FHIT: variants seen among roughly 807,000 people sequenced by gnomAD.
FHIT encodes the protein bis(5'-adenosyl)-triphosphatase.
In FHIT, 19 loss-of-function variants were observed where a neutral mutation model predicts 17.9. That is an observed-to-expected ratio of 1.06 (90% CI 0.74 to 1.56). FHIT has a LOEUF of 1.56. Among genes scored for constraint, FHIT ranks in the 40% most tolerant of loss-of-function variants. FHIT has a pLI of 0.00. For synonymous variants in FHIT, 81 were observed against 69.7 expected (o/e 1.16, Z -0.81); for missense variants, 248 against 189.2 (o/e 1.31, Z -1.82).
intron 3 of FHIT, among the ~76,000 whole-genome samples, chr3:60,959,769 G>A (rs1433722438): frequency 5.4e-5 from 8 of 148,698 alleles, no homozygotes; most frequent in African/African-American, 2.0e-4. Flanking sequence ...AAAACCAGGT[G>A]AGCAAGATGG....
chr3:61,094,021 T>C (rs1420222943), intron 2 of FHIT, among the ~76,000 whole-genome samples: 1 of 152,220 alleles, frequency 6.6e-6, no homozygotes, highest in Non-Finnish European at 1.5e-5. Context: ...AAATGAGTTT[T>C]CCCTGTAGGT....
chr3:61,058,579 C>T (rs951952828), intron 2 of FHIT, among the ~76,000 whole-genome samples: 1 of 152,130 alleles, frequency 6.6e-6, no homozygotes, highest in East Asian at 1.9e-4. Flanking sequence ...GTGTGCAGCA[C>T]TTCCCCCTTT....
At chr3:60,450,953 T>C (rs2031699009) in intron 5 of FHIT, among the ~76,000 whole-genome samples, 1 of 152,132 alleles carries the variant, frequency 6.6e-6, no homozygotes, top group South Asian at 2.1e-4. Context: ...TATAAGCAGA[T>C]AAAACTTCTT....
At chr3:60,706,700 T>C (rs1370436660) in intron 4 of FHIT, among the ~76,000 whole-genome samples, 3 of 152,234 alleles carry the variant, frequency 2.0e-5, no homozygotes, top group Admixed American at 1.3e-4. Context: ...CCATTCCAGA[T>C]CTGCACAATA....
At chr3:59,967,329 C>T (rs1233519636) in intron 7 of FHIT, among the ~76,000 whole-genome samples, 1 of 152,014 alleles carries the variant, frequency 6.6e-6, no homozygotes, top group African/African-American at 2.4e-5. Context: ...GTAACATAGT[C>T]GTTTATTATC....
intron 3 of FHIT, among the ~76,000 whole-genome samples, chr3:60,950,100 A>G (rs2107454204): frequency 6.6e-6 from 1 of 152,340 alleles, no homozygotes; most frequent in South Asian, 2.1e-4. Flanking sequence ...ATGTTTAGAT[A>G]TGCAACTACT....
chr3:60,529,305 T>C (rs1235317959), intron 5 of FHIT, among the ~76,000 whole-genome samples: 3 of 152,078 alleles, frequency 2.0e-5, no homozygotes, highest in Admixed American at 2.0e-4. Flanking sequence ...ATAATAAAAA[T>C]AAGGAACATA....
At chr3:60,903,936 G>C (rs1553763896) in intron 3 of FHIT, among the ~76,000 whole-genome samples, 1 of 152,160 alleles carries the variant, frequency 6.6e-6, no homozygotes, top group Non-Finnish European at 1.5e-5. Context: ...AAGGAAACAA[G>C]AATGAAAAAG....
At chr3:60,700,148 A>G (rs993030053) in intron 4 of FHIT, among the ~76,000 whole-genome samples, 10 of 144,794 alleles carry the variant, frequency 6.9e-5, no homozygotes, top group Admixed American at 2.8e-4. Context: ...AAAAAAAAAT[A>G]CACAGGTATG....
At chr3:61,118,660 T>C (rs145374087) in intron 2 of FHIT, among the ~76,000 whole-genome samples, 1 of 152,176 alleles carries the variant, frequency 6.6e-6, no homozygotes, top group East Asian at 1.9e-4. Flanking sequence ...CTTTGTAACT[T>C]TGAGCATGTA....
At chr3:60,585,429 A>T (rs1423128487) in intron 4 of FHIT, among the ~76,000 whole-genome samples, 1 of 152,070 alleles carries the variant, frequency 6.6e-6, no homozygotes, top group African/African-American at 2.4e-5. Context: ...TAAGTTATTC[A>T]TAGACAATTT....
intron 2 of FHIT, among the ~76,000 whole-genome samples, chr3:61,186,632 G>T (rs1327540946): frequency 1.3e-5 from 2 of 152,184 alleles, no homozygotes; most frequent in African/African-American, 4.8e-5. Context: ...TCCCACTCTG[G>T]TTAGTTTTTG....
intron 8 of FHIT, among the ~76,000 whole-genome samples, chr3:59,811,359 T>G (rs1411233144): frequency 1.3e-5 from 2 of 152,216 alleles, no homozygotes; most frequent in Non-Finnish European, 2.9e-5. Context: ...ATTCTCCAAA[T>G]AGCTTCGTGT....
At chr3:59,959,324 G>A (rs1001530122) in intron 7 of FHIT, among the ~76,000 whole-genome samples, 2 of 152,340 alleles carry the variant, frequency 1.3e-5, no homozygotes, top group South Asian at 2.1e-4. Flanking sequence ...ACTAAGAAGA[G>A]AGTGTTTCAT....
At chr3:61,046,057 C>A (rs919394352) in intron 2 of FHIT, among the ~76,000 whole-genome samples, 32 of 152,006 alleles carry the variant, frequency 2.1e-4, no homozygotes, top group African/African-American at 4.8e-5. Context: ...AAAGTTGACA[C>A]CCTAACATTA....
At chr3:60,296,802 A>C (rs1177404391) in intron 5 of FHIT, among the ~76,000 whole-genome samples, 1 of 151,882 alleles carries the variant, frequency 6.6e-6, no homozygotes, top group Non-Finnish European at 1.5e-5. Flanking sequence ...ATTAATGTTC[A>C]TGAGACATTT....
At chr3:59,790,099 A>T (rs1699485607) in intron 8 of FHIT, among the ~76,000 whole-genome samples, 1 of 152,222 alleles carries the variant, frequency 6.6e-6, no homozygotes, top group Admixed American at 6.5e-5. Context: ...AAATGCCTGT[A>T]AGAGCAGATT....
At chr3:60,010,723 T>A (rs1344692287) in intron 7 of FHIT, among the ~76,000 whole-genome samples, 1 of 152,190 alleles carries the variant, frequency 6.6e-6, no homozygotes, top group Non-Finnish European at 1.5e-5. Flanking sequence ...ATTTTATTAT[T>A]TTATTTTTAC....
At chr3:60,122,561 C>CT (rs1483409461) in intron 5 of FHIT, among the ~76,000 whole-genome samples, 2 of 152,088 alleles carry the variant, frequency 1.3e-5, no homozygotes, top group Admixed American at 1.3e-4. Flanking sequence ...GTTTAAACCT[C>CT]TAAGAGATCA....
Sources: gnomAD v4.1 joint callset for allele counts (sites outside exome capture counted in the v4.1 genomes callset) on GRCh38, gnomAD v4.1.1 for gene constraint, MANE v1.5 for transcripts, NCBI Gene and HGNC (gene_info 2026-07-23, HGNC 2026-07-21) for gene names.